IL1RAPL1: variants seen among roughly 807,000 people sequenced by gnomAD.
IL1RAPL1 encodes the protein interleukin-1 receptor accessory protein-like 1.
In IL1RAPL1, 3 loss-of-function variants were observed where a neutral mutation model predicts 48.4. The ratio of observed to expected loss-of-function variants is 0.06; its 90% CI spans 0.03 to 0.16. The LOEUF (loss-of-function observed/expected upper bound fraction) is 0.16. IL1RAPL1 is among the 10% of genes least tolerant of loss of function. The pLI is 1.00. For missense variants in IL1RAPL1, 349 were observed against 530.6 expected (o/e 0.66, Z 3.36); for synonymous variants, 185 against 187.7 (o/e 0.99, Z 0.12).
At chrX:28,867,096 A>G (rs1329781608) in intron 2 of IL1RAPL1, among the ~76,000 whole-genome samples, 1 of 111,268 alleles carries the variant, frequency 9.0e-6, no homozygotes, top group Non-Finnish European at 1.9e-5. Context: ...TAAAATGGCC[A>G]TGGAAAATGA....
chrX:28,609,196 A>G (rs767250967), intron 1 of IL1RAPL1, among the ~76,000 whole-genome samples: 1 of 112,315 alleles, frequency 8.9e-6, no homozygotes, highest in East Asian at 2.8e-4. Context: ...TTGCTTCAAG[A>G]AAAGCTATTG....
intron 3 of IL1RAPL1, among the ~76,000 whole-genome samples, chrX:29,318,127 A>T (rs924053303): frequency 8.9e-6 from 1 of 112,193 alleles, no homozygotes; most frequent in African/African-American, 3.2e-5. Context: ...CTGAAATTTA[A>T]TTCATAGTTT....
chrX:28,689,667 C>T (rs1462419859), intron 1 of IL1RAPL1, among the ~76,000 whole-genome samples: 2 of 111,924 alleles, frequency 1.8e-5, no homozygotes, highest in Non-Finnish European at 3.8e-5. Context: ...AAAAATAAAA[C>T]ATTTTATTTG....
chrX:29,866,586 T>C (rs1487731399), intron 6 of IL1RAPL1, among the ~76,000 whole-genome samples: 1 of 107,756 alleles, frequency 9.3e-6, no homozygotes, highest in East Asian at 2.9e-4. Flanking sequence ...GTGTTAGGTA[T>C]GAAGCAAAAA....
At chrX:28,730,576 G>C (rs1385037035) in intron 1 of IL1RAPL1, among the ~76,000 whole-genome samples, 1 of 111,539 alleles carries the variant, frequency 9.0e-6, no homozygotes, top group Non-Finnish European at 1.9e-5. Context: ...CAGTTTTCTT[G>C]ATAATGATTT....
chrX:29,571,821 A>G (rs1206679362), intron 5 of IL1RAPL1, among the ~76,000 whole-genome samples: 1 of 111,553 alleles, frequency 9.0e-6, no homozygotes. Flanking sequence ...CAATGTCACC[A>G]TCCTCTGTAA....
chrX:29,136,503 T>A (rs767061865), intron 2 of IL1RAPL1, among the ~76,000 whole-genome samples: 1 of 111,536 alleles, frequency 9.0e-6, no homozygotes, highest in South Asian at 3.8e-4. Flanking sequence ...TTTTTATTAT[T>A]ATTACTTCAT....
At chrX:29,310,199 G>A (rs1445422269) in intron 3 of IL1RAPL1, among the ~76,000 whole-genome samples, 1 of 104,600 alleles carries the variant, frequency 9.6e-6, no homozygotes, top group African/African-American at 3.5e-5. Flanking sequence ...CTAGTCTCTG[G>A]CATTCTATTT....
At chrX:29,838,003 A>C (rs1038473801) in intron 6 of IL1RAPL1, among the ~76,000 whole-genome samples, 3 of 111,940 alleles carry the variant, frequency 2.7e-5, no homozygotes, top group African/African-American at 9.8e-5. Context: ...CAGTCAGCTC[A>C]TCAGTGACAC....
chrX:29,282,989 T>C lies in IL1RAPL1; in HGVS notation c.134T>C (p.Val45Ala). 2 of 1,210,565 alleles carry C rather than the reference T, an allele frequency of 1.7e-6. No homozygotes were observed. Among genetic ancestry groups the C allele is most frequent in the Non-Finnish European group, 2.2e-6 (2 of 894,222 alleles). ...GATATCAAGAAATATCAAGTTTTGG[T>C]GGGAGAGCCTGTTCGAATCAAATGT... ...SIDIKKYQVLVGEPVRIKCAL... is the reference protein window; with the variant it reads ...SIDIKKYQVLAGEPVRIKCAL... Residue 45 changes from valine to alanine, a missense_variant, in exon 3 of 11, where the codon GTG becomes GCG. Transcript: ENST00000378993.
At chrX:28,950,944 A>G (rs1398082393) in intron 2 of IL1RAPL1, among the ~76,000 whole-genome samples, 1 of 105,753 alleles carries the variant, frequency 9.5e-6, no homozygotes, top group Non-Finnish European at 1.9e-5. Flanking sequence ...ATGCAGCCAT[A>G]AAAAATGATG....
intron 2 of IL1RAPL1, among the ~76,000 whole-genome samples, chrX:28,815,042 A>T (rs1936845859): frequency 9.0e-6 from 1 of 110,705 alleles, no homozygotes; most frequent in South Asian, 3.8e-4. Flanking sequence ...TTTACCTAAT[A>T]CATTGTTACT....
intron 5 of IL1RAPL1, among the ~76,000 whole-genome samples, chrX:29,535,794 T>C (rs1921212105): frequency 1.8e-5 from 2 of 112,217 alleles, no homozygotes; most frequent in African/African-American, 6.5e-5. Context: ...CCAGGGGGAA[T>C]TGACATTAGA....
intron 2 of IL1RAPL1, among the ~76,000 whole-genome samples, chrX:29,142,116 G>A (rs1929255450): frequency 9.0e-6 from 1 of 111,708 alleles, no homozygotes; most frequent in African/African-American, 3.2e-5. Context: ...GAGTATGGAT[G>A]AATAGCATGA....
rs182483076 is a variant in IL1RAPL1 at position 28,969,982 on chromosome X, T to G, written c.82+180557T>G. ...GTTTCTAAACACATATATATGTTTCTAAACACATATATATGTTTAGAAACA... is the reference window on the plus strand; with the variant it reads ...GTTTCTAAACACATATATATGTTTCGAAACACATATATATGTTTAGAAACA... On this transcript the variant is annotated intron_variant, in intron 2 of 10. Transcript: ENST00000378993. 3.7e-4 allele frequency among the ~76,000 whole-genome samples: 40 copies of G among 108,536 alleles called. 2 individuals are homozygous for G. The highest frequency in any genetic ancestry group is 4.9e-4 in the Admixed American group (5 of 10,213). 94.3% of individuals were successfully genotyped at this position (108,536 alleles called of 115,157 possible).
intron 5 of IL1RAPL1, among the ~76,000 whole-genome samples, chrX:29,461,414 C>T (rs1355499321): frequency 3.6e-5 from 4 of 111,280 alleles, no homozygotes; most frequent in South Asian, 3.7e-4. Flanking sequence ...ATACTATATA[C>T]GTAACTATAA....
intron 2 of IL1RAPL1, among the ~76,000 whole-genome samples, chrX:28,896,115 GTTC>G (rs1486059551): frequency 6.2e-5 from 7 of 112,226 alleles, no homozygotes; most frequent in African/African-American, 2.3e-4. Context: ...GGCATTTGGA[GTTC>G]TTCTGTGCTG....
chrX:29,196,045 A>G (rs1049628358), intron 2 of IL1RAPL1, among the ~76,000 whole-genome samples: 1 of 112,283 alleles, frequency 8.9e-6, no homozygotes, highest in Non-Finnish European at 1.9e-5. Flanking sequence ...AAAAGTCCAG[A>G]TTTATGCCAG....
chrX:29,198,267 C>CA (rs1930483734), intron 2 of IL1RAPL1, among the ~76,000 whole-genome samples: 1 of 108,920 alleles, frequency 9.2e-6, no homozygotes, highest in African/African-American at 3.3e-5. Flanking sequence ...CTAGATTTGG[C>CA]AAAAAAGATT....
Sources: allele counts gnomAD v4.1 joint callset (sites outside exome capture counted in the v4.1 genomes callset), GRCh38; gene constraint gnomAD v4.1.1; transcripts MANE v1.5; gene names NCBI Gene and HGNC (gene_info 2026-07-23, HGNC 2026-07-21).